The following ABHD12 variants were observed in gnomAD, a reference collection of about 807,000 sequenced individuals.
ABHD12 encodes the protein lysophosphatidylserine lipase ABHD12.
In ABHD12, 43 loss-of-function variants were observed where a neutral mutation model predicts 58.3. That is an observed-to-expected ratio of 0.74 (90% CI 0.58 to 0.95). The LOEUF is 0.95. Ranked by LOEUF, ABHD12 falls within the 40% of genes least tolerant of loss-of-function variation. The pLI, the probability that ABHD12 is intolerant of heterozygous loss-of-function variation, is 0.00. For missense variants in ABHD12, 539 were observed against 537.2 expected (o/e 1.00, Z -0.03); for synonymous variants, 219 against 211.2 (o/e 1.04, Z -0.32).
At chr20:25,359,382 C>T (rs1478685571) in intron 1 of ABHD12, among the ~76,000 whole-genome samples, 10 of 140,518 alleles carry the variant, frequency 7.1e-5, no homozygotes, top group Non-Finnish European at 9.1e-5. Context: ...CGAGATTGCG[C>T]CACTGCACTC....
chr20:25,356,336 C>G (rs1194749569), intron 1 of ABHD12, among the ~76,000 whole-genome samples: 1 of 152,246 alleles, frequency 6.6e-6, no homozygotes, highest in Non-Finnish European at 1.5e-5. Flanking sequence ...AGAGGCTTTT[C>G]TATCAGCTCA....
Position 25,380,136 on chromosome 20 carries a change from C to T in ABHD12, c.191+10377G>A, listed in dbSNP as rs1486828648. ...ATCTGCCCTTCAGTGTAATTCCCTT[C>T]AGTGTAACCTTTATCTCACACATTG... is the stretch of plus-strand genomic sequence containing the variant. On this transcript the variant is annotated intron_variant, in intron 1 of 12. Transcript: ENST00000339157. Among the ~76,000 whole-genome samples the T allele has an allele frequency of 2.6e-5, 4 of 152,202 alleles. No individual in the cohort carries two copies. The East Asian group carries it at 7.7e-4, about 29-fold the overall frequency.
chr20:25,300,821 C>T lies in ABHD12; in HGVS notation c.*24G>A, dbSNP rs767558186. ...AAAACGGGAGGAGGGCAGAGGTCTT[C>T]ATGCTTCCTTCCCACGGCCAGGCTC... On this transcript the variant is annotated 3_prime_UTR_variant, in exon 13 of 13. Transcript: ENST00000339157. 1 of 1,614,068 alleles carries T rather than the reference C, an allele frequency of 6.2e-7. No individual in the cohort carries two copies. The highest frequency in any genetic ancestry group is 2.2e-5 in the East Asian group (1 of 44,886).
chr20:25,300,619 G>A lies in ABHD12; in HGVS notation c.*226C>T. 6.9e-7 allele frequency: 1 copy of A among 1,448,268 alleles called. No homozygotes were observed. Among genetic ancestry groups the A allele is most frequent in the Non-Finnish European group, 9.0e-7 (1 of 1,106,744 alleles). The allele number at this position is 1,448,268 out of a possible 1,614,324, so 89.7% of individuals were successfully genotyped here. A position where few individuals can be genotyped will look rare whatever the true frequency, so the allele number is the denominator to read the frequency against. ...CTCAGGTTGAGGGGCGGCAAGGAGA[G>A]CCACATGCCTGCCACCCACGCTTTC... On this transcript the variant is annotated 3_prime_UTR_variant, in exon 13 of 13. Coordinates refer to ENST00000339157, the MANE Select transcript of ABHD12 (RefSeq NM_001042472.3).
downstream of ABHD12, among the ~76,000 whole-genome samples, chr20:25,299,708 G>C (rs941089768): frequency 6.6e-6 from 1 of 152,118 alleles, no homozygotes; most frequent in Non-Finnish European, 1.5e-5. Context: ...GTGGGTCCCC[G>C]GCTCAGATGG....
intron 2 of ABHD12, among the ~76,000 whole-genome samples, chr20:25,331,417 A>G (rs1455232674): frequency 6.6e-6 from 1 of 152,206 alleles, no homozygotes; most frequent in Non-Finnish European, 1.5e-5. Context: ...CCAATCTAGC[A>G]AGGCAGGCCA....
intron 11 of ABHD12, 87 bp from the exon 12 acceptor site, chr20:25,302,433 A>G: frequency 1.9e-6 from 3 of 1,552,360 alleles, no homozygotes; most frequent in Non-Finnish European, 1.8e-6. Flanking sequence ...CCTCCCCTTC[A>G]ATAGAAACCA....
At chr20:25,372,557 T>C (rs1479941753) in intron 1 of ABHD12, among the ~76,000 whole-genome samples, 1 of 152,186 alleles carries the variant, frequency 6.6e-6, no homozygotes, top group Non-Finnish European at 1.5e-5. Context: ...TTTGAAGATA[T>C]TTGGGGTGGG....
intron 1 of ABHD12, chr20:25,339,702 C>T: frequency 7.3e-7 from 1 of 1,372,028 alleles, no homozygotes; most frequent in African/African-American, 1.5e-5. Flanking sequence ...AACCTCGTAT[C>T]AGGAAAGAGC....
intron 2 of ABHD12, among the ~76,000 whole-genome samples, chr20:25,330,718 C>T (rs151010420): frequency 3.9e-5 from 6 of 152,190 alleles, no homozygotes; most frequent in Admixed American, 6.5e-5. Context: ...ACACCTCACA[C>T]GGCTGGGTAC....
intron 1 of ABHD12, among the ~76,000 whole-genome samples, chr20:25,347,339 CAACCATTATCTGTCTTTAA>C (rs2089533034): frequency 6.6e-6 from 1 of 152,178 alleles, no homozygotes. Context: ...TCCTGGACTG[CAACCATTATCTGTCTTTAA>C]AACTGTACCA....
chr20:25,297,335 T>C (rs1290101943), downstream of ABHD12: 1 of 152,308 alleles, frequency 6.6e-6, no homozygotes, highest in Non-Finnish European at 1.5e-5. Flanking sequence ...CCTTTTCTTG[T>C]TTTAGCAACT....
chr20:25,384,889 T>C (rs575579834), intron 1 of ABHD12, among the ~76,000 whole-genome samples: 15 of 152,274 alleles, frequency 9.9e-5, no homozygotes, highest in Non-Finnish European at 2.1e-4. Context: ...AAGAACCTGT[T>C]CTCTCCACTT....
intron 2 of ABHD12, among the ~76,000 whole-genome samples, chr20:25,327,014 C>A (rs2089187706): frequency 6.6e-6 from 1 of 152,230 alleles, no homozygotes; most frequent in South Asian, 2.1e-4. Flanking sequence ...CCAGCCATGC[C>A]TGTGTGAGTA....
At chr20:25,314,822 G>T in intron 6 of ABHD12, 103 bp downstream of exon 6, 2 of 1,281,848 alleles carry the variant, frequency 1.6e-6, no homozygotes, top group Non-Finnish European at 2.3e-6. Flanking sequence ...AGGCAAAGCA[G>T]GCGCTGGCCT....
downstream of ABHD12, chr20:25,295,591 T>C: frequency 6.2e-7 from 1 of 1,612,944 alleles, no homozygotes; most frequent in Non-Finnish European, 8.5e-7. Context: ...CAGCCTCCTT[T>C]CTCCCATTCC....
At position 25,314,918 on chromosome 20, in the gene ABHD12, A is replaced by G; in HGVS notation, c.619+7T>C. ...GTGCTCAGATGCTCTTGCAAAAGAA[A>G]TCTCACCTCTGTAGTCAAAGGTGAC... On this transcript the variant is annotated splice_region_variant and intron_variant, in intron 6 of 12. Coordinates refer to ENST00000339157, the MANE Select transcript of ABHD12 (RefSeq NM_001042472.3). 6.2e-7 allele frequency: 1 copy of G among 1,614,130 alleles called. No individual in the cohort carries two copies. The highest frequency in any genetic ancestry group is 1.1e-5 in the South Asian group (1 of 91,084).
chr20:25,320,634 A>G (rs1281533846), intron 3 of ABHD12, among the ~76,000 whole-genome samples: 1 of 152,248 alleles, frequency 6.6e-6, no homozygotes, highest in Non-Finnish European at 1.5e-5. Flanking sequence ...GCAGAGAAGC[A>G]GCACTTAGTC....
intron 12 of ABHD12, 114 bp downstream of exon 12, chr20:25,302,105 C>T: frequency 1.3e-6 from 2 of 1,482,674 alleles, no homozygotes; most frequent in Non-Finnish European, 9.3e-7. Context: ...ATCACTGTGA[C>T]TCTTGGCCCC....
Sources: gnomAD v4.1 joint callset for allele counts (sites outside exome capture counted in the v4.1 genomes callset) on GRCh38, gnomAD v4.1.1 for gene constraint, MANE v1.5 for transcripts, NCBI Gene and HGNC (gene_info 2026-07-23, HGNC 2026-07-21) for gene names.